Variants in GALNT17 observed in about 807,000 individuals in gnomAD.
The protein encoded by GALNT17 is UDP-GalNAc:polypeptide N-acetylgalactosaminyltransferase-like 3.
A neutral mutation model predicts 63.7 loss-of-function variants in GALNT17; 29 were observed. That is an observed-to-expected ratio of 0.46 (90% CI 0.34 to 0.62). The LOEUF (loss-of-function observed/expected upper bound fraction) is 0.62. Ranked by LOEUF, GALNT17 falls within the 20% of genes least tolerant of loss-of-function variation. The pLI, the probability that GALNT17 is intolerant of heterozygous loss-of-function variation, is 0.01. For missense variants in GALNT17, 603 were observed against 799.6 expected (o/e 0.75, Z 2.97); for synonymous variants, 305 against 318.3 (o/e 0.96, Z 0.45).
chr7:71,393,307 C>T (rs938928324), intron 3 of GALNT17, among the ~76,000 whole-genome samples: 3 of 151,778 alleles, frequency 2.0e-5, no homozygotes, highest in African/African-American at 7.2e-5. Context: ...ACTTTTTTTT[C>T]CCAGCCTTAC....
intron 1 of GALNT17, among the ~76,000 whole-genome samples, chr7:71,327,562 G>A (rs1287104003): frequency 6.6e-6 from 1 of 152,102 alleles, no homozygotes; most frequent in East Asian, 1.9e-4. Context: ...TATCAGGTAG[G>A]ATGCTGTATC....
intron 1 of GALNT17, among the ~76,000 whole-genome samples, chr7:71,274,093 G>A (rs781147085): frequency 8.5e-5 from 13 of 152,164 alleles, no homozygotes; most frequent in South Asian, 2.1e-4. Flanking sequence ...CGGTGGTGGT[G>A]GTAGGGAACC....
intron 5 of GALNT17, among the ~76,000 whole-genome samples, chr7:71,523,915 C>T (rs1010335110): frequency 5.3e-5 from 8 of 151,362 alleles, no homozygotes; most frequent in Non-Finnish European, 1.2e-4. Context: ...GTCAGGAGAT[C>T]GAGACCATCC....
At chr7:71,417,240 A>G (rs564891972) in intron 4 of GALNT17, among the ~76,000 whole-genome samples, 1 of 152,314 alleles carries the variant, frequency 6.6e-6, no homozygotes, top group South Asian at 2.1e-4. Flanking sequence ...GTTCTTCTTC[A>G]TTTGCAACAA....
At chr7:71,540,748 T>A (rs931661645) in intron 5 of GALNT17, among the ~76,000 whole-genome samples, 9 of 152,184 alleles carry the variant, frequency 5.9e-5, no homozygotes, top group Admixed American at 3.3e-4. Context: ...CAGTGTTATA[T>A]GTATGTAATT....
chr7:71,387,049 G>A (rs1792958624), intron 2 of GALNT17, among the ~76,000 whole-genome samples: 2 of 151,838 alleles, frequency 1.3e-5, no homozygotes, highest in African/African-American at 2.4e-5. Context: ...GGAGTGGCGA[G>A]TAAGACTGGG....
rs185633539 is a variant in GALNT17 at position 71,515,150 on chromosome 7, G to A, written c.963-56135G>A. Among the ~76,000 whole-genome samples the A allele has an allele frequency of 1.4e-3, 212 of 152,234 alleles. 3 individuals are homozygous for A. Among genetic ancestry groups the A allele is most frequent in the African/African-American group, 4.8e-3 (199 of 41,538 alleles). Reference sequence around the variant, plus strand: ...TTCTTTATAAATTACCCAGTTTTAGGTATGTCCTTATAGCAGTGTTAGAAC... The same window carrying A: ...TTCTTTATAAATTACCCAGTTTTAGATATGTCCTTATAGCAGTGTTAGAAC... On this transcript the variant is annotated intron_variant, in intron 5 of 10. Coordinates refer to ENST00000333538, the MANE Select transcript of GALNT17 (RefSeq NM_022479.3).
intron 1 of GALNT17, among the ~76,000 whole-genome samples, chr7:71,237,867 G>A (rs980945024): frequency 6.6e-6 from 1 of 152,128 alleles, no homozygotes; most frequent in African/African-American, 2.4e-5. Context: ...AAATAGGAGT[G>A]TGGACTGGTG....
chr7:71,358,920 C>T (rs1400395303), intron 2 of GALNT17, among the ~76,000 whole-genome samples: 4 of 152,036 alleles, frequency 2.6e-5, no homozygotes, highest in African/African-American at 9.7e-5. Context: ...ATTACAGGCG[C>T]CCACCACCAC....
intron 1 of GALNT17, among the ~76,000 whole-genome samples, chr7:71,301,185 G>T (rs974408382): frequency 7.9e-5 from 12 of 151,762 alleles, no homozygotes; most frequent in Admixed American, 7.9e-4. Context: ...TACTCGGGAG[G>T]CTGAGGTGGG....
chr7:71,337,252 C>T (rs1293151788), intron 2 of GALNT17, among the ~76,000 whole-genome samples: 2 of 151,972 alleles, frequency 1.3e-5, no homozygotes, highest in African/African-American at 4.8e-5. Context: ...GATCTGTTTC[C>T]ATTGTTGGAA....
At chr7:71,169,237 G>T (rs547503951) in intron 1 of GALNT17, among the ~76,000 whole-genome samples, 1 of 152,180 alleles carries the variant, frequency 6.6e-6, no homozygotes, top group Admixed American at 6.5e-5. Context: ...TAGCTGCCTC[G>T]ATCTCCTTGC....
chr7:71,274,564 G>A (rs1428969663), intron 1 of GALNT17, among the ~76,000 whole-genome samples: 3 of 152,184 alleles, frequency 2.0e-5, no homozygotes, highest in African/African-American at 7.2e-5. Flanking sequence ...GCAGATGTGA[G>A]CCACTGTACC....
At chr7:71,181,619 G>C (rs1177547621) in intron 1 of GALNT17, among the ~76,000 whole-genome samples, 1 of 152,102 alleles carries the variant, frequency 6.6e-6, no homozygotes, top group Non-Finnish European at 1.5e-5. Context: ...TGTAATTCTA[G>C]CACTTTGGGA....
chr7:71,286,659 T>G (rs980021853), intron 1 of GALNT17, among the ~76,000 whole-genome samples: 3 of 152,104 alleles, frequency 2.0e-5, no homozygotes, highest in African/African-American at 7.2e-5. Flanking sequence ...AGCTCCAACA[T>G]GAACTGGCTG....
chr7:71,218,567 G>A (rs990947269), intron 1 of GALNT17, among the ~76,000 whole-genome samples: 2 of 151,990 alleles, frequency 1.3e-5, no homozygotes, highest in Admixed American at 1.3e-4. Flanking sequence ...CCCAACCCCT[G>A]GGCCACAAAC....
chr7:71,388,699 G>A (rs941888094), intron 3 of GALNT17, among the ~76,000 whole-genome samples: 11 of 151,824 alleles, frequency 7.2e-5, no homozygotes, highest in Non-Finnish European at 1.6e-4. Flanking sequence ...GCTAATTTTT[G>A]TATTTTTAGT....
intron 5 of GALNT17, among the ~76,000 whole-genome samples, chr7:71,525,741 T>C (rs112233412): frequency 0.042 from 5,892 of 139,192 alleles, 234 homozygotes; most frequent in African/African-American, 0.11. Context: ...CTTTTCTTTT[T>C]TTTTTTTTTT....
Position 71,416,038 on chromosome 7 carries a change from G to A in GALNT17, c.739G>A (p.Ala247Thr). Residue 247 changes from alanine (A) to threonine (T), a missense_variant, in exon 4 of 11, where the codon GCC becomes ACC. Physicochemically the swap from Ala to Thr is moderately conservative, Grantham distance 58. This residue lies in a region of GALNT17 where 336 missense variants were observed against 507.8 expected (regional missense o/e 0.66). Transcript: ENST00000333538. ...ATGQVTGFFDAHVEFTAGWAE... is the reference protein window; with the variant it reads ...ATGQVTGFFDTHVEFTAGWAE... ...CGGGCAGGTCACTGGCTTCTTTGATGCCCACGTGGAATTCACCGCTGGCTG... is the reference window on the plus strand; with the variant it reads ...CGGGCAGGTCACTGGCTTCTTTGATACCCACGTGGAATTCACCGCTGGCTG... The A allele has an allele frequency of 6.2e-7, 1 of 1,613,030 alleles. No individual in the cohort carries two copies. The highest frequency in any genetic ancestry group is 8.5e-7 in the Non-Finnish European group (1 of 1,179,594).
Sources: allele counts gnomAD v4.1 joint callset (sites outside exome capture counted in the v4.1 genomes callset), GRCh38; gene constraint gnomAD v4.1.1; regional missense constraint gnomAD v4.1.1; transcripts MANE v1.5; gene names NCBI Gene and HGNC (gene_info 2026-07-23, HGNC 2026-07-21).